The following STK38L variants were observed in gnomAD, a reference collection of about 807,000 sequenced individuals.
STK38L encodes serine/threonine kinase 38 like.
In STK38L, 28 loss-of-function variants were observed where a neutral mutation model predicts 59.7. The ratio of observed to expected loss-of-function variants is 0.47; its 90% CI spans 0.35 to 0.64. STK38L has a LOEUF of 0.64. Among genes scored for constraint, STK38L ranks in the 30% least tolerant of loss-of-function variants. STK38L has a pLI of 0.01. For missense variants in STK38L, 314 were observed against 555.8 expected (o/e 0.56, Z 4.37); for synonymous variants, 162 against 176.8 (o/e 0.92, Z 0.66).
chr12:27,284,307 T>TCC (rs1344333879), intron 1 of STK38L, among the ~76,000 whole-genome samples: 2 of 152,130 alleles, frequency 1.3e-5, no homozygotes, highest in Non-Finnish European at 2.9e-5. Flanking sequence ...CACCTGAAGG[T>TCC]TAGGTGACAT....
At chr12:27,304,514 G>C (rs954772012) in intron 3 of STK38L, among the ~76,000 whole-genome samples, 1 of 151,982 alleles carries the variant, frequency 6.6e-6, no homozygotes, top group Non-Finnish European at 1.5e-5. Context: ...TTATTTACAT[G>C]TCATTAATAT....
chr12:27,321,032 G>T (rs1198062092), intron 12 of STK38L, among the ~76,000 whole-genome samples: 1 of 152,004 alleles, frequency 6.6e-6, no homozygotes, highest in African/African-American at 2.4e-5. Context: ...TATAATGAGG[G>T]AACAGTCATG....
At position 27,248,298 on chromosome 12, in the gene STK38L, C is replaced by T. The variant is rs12579711; in HGVS notation, c.-12+3966C>T. ...GTACATGTAAAAATGAGAGAAGTTC[C>T]ATCACTGATACTTTATGTTGGGGCA... On this transcript the variant is annotated intron_variant, in intron 1 of 13. Coordinates refer to ENST00000389032, the MANE Select transcript of STK38L (RefSeq NM_015000.4). 8.5e-5 allele frequency among the ~76,000 whole-genome samples: 13 copies of T among 152,116 alleles called. No homozygotes were observed. In the East Asian group the frequency reaches 2.5e-3, roughly 29 times the overall value.
chr12:27,325,146 T>A lies in STK38L; in HGVS notation c.*2691T>A, dbSNP rs963515666. The A allele has an allele frequency of 6.6e-6, 1 of 152,138 alleles. No homozygotes were observed. The highest frequency in any genetic ancestry group is 2.4e-5 in the African/African-American group (1 of 41,464). 9.4% of individuals were successfully genotyped at this position (152,138 alleles called of 1,614,324 possible). On this transcript the variant is annotated 3_prime_UTR_variant, in exon 14 of 14. Coordinates refer to ENST00000389032, the MANE Select transcript of STK38L (RefSeq NM_015000.4). ...TATTACTAACATAGCTTTAAATCTT[T>A]AAATGTATTGAAGCATTGTGCTGTC... is the stretch of plus-strand genomic sequence containing the variant.
intron 1 of STK38L, among the ~76,000 whole-genome samples, chr12:27,273,977 G>A (rs113126502): frequency 4.1e-4 from 62 of 151,998 alleles, no homozygotes; most frequent in Admixed American, 3.7e-3. Flanking sequence ...TTTTTGGGCC[G>A]GGTGCGGTGG....
intron 3 of STK38L, among the ~76,000 whole-genome samples, chr12:27,307,236 T>C (rs978582353): frequency 1.1e-4 from 16 of 152,258 alleles, no homozygotes; most frequent in African/African-American, 3.9e-4. Context: ...TTTACACCAT[T>C]GGTGTGCCTT....
Position 27,317,465 on chromosome 12 carries a change from C to A in STK38L, c.955+12C>A. ...TGAAATGCTAATAGGTATGTTTTAT[C>A]ATTCATTTATGTACAAAATATATAC... On this transcript the variant is annotated intron_variant, in intron 10 of 13. Coordinates refer to ENST00000389032, the MANE Select transcript of STK38L (RefSeq NM_015000.4). 2 of 1,562,536 alleles carry A rather than the reference C, an allele frequency of 1.3e-6. No individual in the cohort carries two copies. The highest frequency in any genetic ancestry group is 2.3e-5 in the South Asian group (2 of 87,066).
At chr12:27,312,187 T>C (rs979786405) in intron 5 of STK38L, among the ~76,000 whole-genome samples, 7 of 152,276 alleles carry the variant, frequency 4.6e-5, no homozygotes, top group African/African-American at 1.7e-4. Flanking sequence ...CCCTGCTTAC[T>C]ACTTTTAACT....
At chr12:27,320,352 G>C (rs1050595304) in intron 12 of STK38L, among the ~76,000 whole-genome samples, 1 of 150,596 alleles carries the variant, frequency 6.6e-6, no homozygotes, top group African/African-American at 2.4e-5. Flanking sequence ...CCGCAGCCTC[G>C]ACCTCCAGGC....
At position 27,325,329 on chromosome 12, in the gene STK38L, C is replaced by T. The variant is rs1481499865; in HGVS notation, c.*2874C>T. The T allele has an allele frequency of 1.3e-5, 2 of 152,050 alleles. No individual in the cohort carries two copies. Among genetic ancestry groups the T allele is most frequent in the Non-Finnish European group, 2.9e-5 (2 of 67,958 alleles). The allele number at this position is 152,050 out of a possible 1,614,324, so 9.4% of individuals were successfully genotyped here. ...GGTTTCATTTATTTCTATACTTTTT[C>T]TGTTTTTTAAACACCTGCATATTTT... On this transcript the variant is annotated 3_prime_UTR_variant, in exon 14 of 14. Transcript: ENST00000389032.
At chr12:27,272,557 A>G (rs1179133405) in intron 1 of STK38L, among the ~76,000 whole-genome samples, 2 of 152,174 alleles carry the variant, frequency 1.3e-5, no homozygotes, top group African/African-American at 4.8e-5. Context: ...TGAATTCCAT[A>G]TTTGTCTTGG....
chr12:27,257,360 G>A (rs1008025336), intron 1 of STK38L, among the ~76,000 whole-genome samples: 3 of 152,208 alleles, frequency 2.0e-5, no homozygotes, highest in African/African-American at 7.2e-5. Flanking sequence ...CTCAGACAGT[G>A]TTGGGGTCAC....
chr12:27,310,762 G>C (rs1449657954), intron 5 of STK38L, among the ~76,000 whole-genome samples: 1 of 152,142 alleles, frequency 6.6e-6, no homozygotes. Flanking sequence ...AATATTTTGT[G>C]GGAAGTTAAG....
At chr12:27,250,817 G>GAT (rs1942956082) in intron 1 of STK38L, among the ~76,000 whole-genome samples, 2 of 151,856 alleles carry the variant, frequency 1.3e-5, no homozygotes, top group Admixed American at 1.3e-4. Flanking sequence ...TGGCTAACAT[G>GAT]GCCAAACCTC....
intron 1 of STK38L, among the ~76,000 whole-genome samples, chr12:27,283,700 G>A (rs933037158): frequency 1.3e-5 from 2 of 152,054 alleles, no homozygotes; most frequent in African/African-American, 4.8e-5. Context: ...TTATATATGG[G>A]GCAGAAAATA....
intron 1 of STK38L, among the ~76,000 whole-genome samples, chr12:27,278,361 TG>T (rs1433949289): frequency 1.3e-5 from 2 of 152,352 alleles, no homozygotes; most frequent in East Asian, 3.9e-4. Flanking sequence ...GATCTTCCCC[TG>T]TTCTAAAGCC....
intron 1 of STK38L, among the ~76,000 whole-genome samples, chr12:27,279,161 G>A (rs1019551789): frequency 1.3e-5 from 2 of 152,182 alleles, no homozygotes; most frequent in African/African-American, 4.8e-5. Context: ...GTTGGGGAAT[G>A]TCTGCTCTGC....
chr12:27,280,389 T>C (rs1169596686), intron 1 of STK38L, among the ~76,000 whole-genome samples: 1 of 152,138 alleles, frequency 6.6e-6, no homozygotes, highest in African/African-American at 2.4e-5. Flanking sequence ...TTATAGAGAA[T>C]AAAAAATAAA....
chr12:27,297,683 A>G (rs1204669174), intron 1 of STK38L, 27 bp from the exon 2 acceptor site: 4 of 1,580,852 alleles, frequency 2.5e-6, no homozygotes, highest in Non-Finnish European at 3.4e-6. Flanking sequence ...TTCCCACTGA[A>G]TAATTTGTTT....
Sources: gnomAD v4.1 joint callset for allele counts (sites outside exome capture counted in the v4.1 genomes callset) on GRCh38, gnomAD v4.1.1 for gene constraint, MANE v1.5 for transcripts, NCBI Gene and HGNC (gene_info 2026-07-23, HGNC 2026-07-21) for gene names.